Variants in NIBAN2 observed in about 807,000 individuals in gnomAD.
NIBAN2 encodes protein Niban 2.
NIBAN2 carries 36 observed loss-of-function variants against 81.8 expected under a neutral mutation model. That is an observed-to-expected ratio of 0.44 (90% CI 0.34 to 0.58). The LOEUF (loss-of-function observed/expected upper bound fraction) is 0.58. NIBAN2 is among the 20% of genes least tolerant of loss of function. NIBAN2 has a pLI of 0.02. For missense variants in NIBAN2, 897 were observed against 1,014.1 expected, an observed-to-expected ratio of 0.88 and a Z score of 1.57; for synonymous variants, 445 against 441.6, an observed-to-expected ratio of 1.01 and a Z score of -0.10.
intron 1 of NIBAN2, among the ~76,000 whole-genome samples, chr9:127,562,182 C>T (rs1837785869): frequency 1.3e-5 from 2 of 152,098 alleles, no homozygotes; most frequent in South Asian, 2.1e-4. Context: ...TATTCCCACT[C>T]GGCTCCTCCT....
At chr9:127,572,085 A>C (rs1837956538), upstream of NIBAN2, among the ~76,000 whole-genome samples, 1 of 151,824 alleles carries the variant, frequency 6.6e-6, no homozygotes, top group Admixed American at 6.6e-5. Flanking sequence ...CCCAGGCTGG[A>C]GTGCAGTGGT....
At chr9:127,529,380 C>G (rs1036350795) in intron 2 of NIBAN2, among the ~76,000 whole-genome samples, 1 of 152,146 alleles carries the variant, frequency 6.6e-6, no homozygotes, top group Admixed American at 6.5e-5. Flanking sequence ...GGCTCACGCC[C>G]GTAATCCCAG....
intron 1 of NIBAN2, among the ~76,000 whole-genome samples, chr9:127,547,730 A>G (rs1365601451): frequency 6.9e-6 from 1 of 145,280 alleles, no homozygotes; most frequent in East Asian, 2.1e-4. Context: ...CTAGCTACTC[A>G]GGAGGCTGAG....
Position 127,517,115 on chromosome 9 carries a change from GA to G in NIBAN2, c.806del (p.Ile269ThrfsTer82). ...CCAGGGCCCCAGGCCCACCCACCTG[GA>G]TCCACTGCCGCTGCCGCTCCTGCGG... Reference protein sequence around the residue: ...GKPQERQRQWIQISDAVYHMV... With the variant: ...GKPQERQRQWXQISDAVYHMV... On this transcript the variant is annotated frameshift_variant, in exon 7 of 14. Transcript: ENST00000373312. LOFTEE classifies it high-confidence loss of function. This position sits in a 1 kb window ranked among gnomAD's most constrained non-coding sequence, Gnocchi z 4.0. 1 of 1,613,400 alleles carries G rather than the reference GA, an allele frequency of 6.2e-7. No individual in the cohort carries two copies.
chr9:127,553,424 G>A (rs943308990), intron 1 of NIBAN2, among the ~76,000 whole-genome samples: 2 of 152,210 alleles, frequency 1.3e-5, no homozygotes, highest in East Asian at 3.8e-4. Flanking sequence ...TCCCTGGCTG[G>A]GGACTGAACC....
intron 1 of NIBAN2, among the ~76,000 whole-genome samples, chr9:127,575,052 C>T (rs986387796): frequency 6.6e-6 from 1 of 152,164 alleles, no homozygotes; most frequent in Non-Finnish European, 1.5e-5. Flanking sequence ...TGCCATTCCC[C>T]CACTTCTAAC....
At chr9:127,532,713 G>A (rs1336052312) in intron 1 of NIBAN2, among the ~76,000 whole-genome samples, 1 of 151,768 alleles carries the variant, frequency 6.6e-6, no homozygotes, top group Non-Finnish European at 1.5e-5. Flanking sequence ...GTCACCTGTT[G>A]ACTATCAGCT....
chr9:127,527,240 C>T lies in NIBAN2; in HGVS notation c.269G>A (p.Ser90Asn). 1 of 1,614,024 alleles carries T rather than the reference C, an allele frequency of 6.2e-7. No homozygotes were observed. The highest frequency in any genetic ancestry group is 1.3e-5 in the African/African-American group (1 of 75,030). Reference sequence around the variant, plus strand: ...CAGCCCGTAGTTGTGGGGCACGAGGCTGAAGCGGTTTCTCCACTTCTTGCT... The same window carrying T: ...CAGCCCGTAGTTGTGGGGCACGAGGTTGAAGCGGTTTCTCCACTTCTTGCT... The part of the protein sequence containing the change: ...EDSKKWRNRF[S>N]LVPHNYGLVL... Residue 90 changes from serine to asparagine, a missense_variant, in exon 3 of 14, where the codon AGC becomes AAC. Physicochemically the swap from Ser to Asn is conservative, Grantham distance 46. This residue lies in a region of NIBAN2 where 209 missense variants were observed against 208.4 expected (regional missense o/e 1.00). Coordinates refer to ENST00000373312, the MANE Select transcript of NIBAN2 (RefSeq NM_022833.4).
At chr9:127,511,714 C>G (rs1836739300) in intron 8 of NIBAN2, among the ~76,000 whole-genome samples, 1 of 152,002 alleles carries the variant, frequency 6.6e-6, no homozygotes, top group Non-Finnish European at 1.5e-5. Flanking sequence ...TCAAACAAGT[C>G]TATAGGAAAA....
In NIBAN2 at chr9:127,508,480, C is replaced by T. The variant is rs987078182; in HGVS notation, c.1376G>A (p.Gly459Glu). The T allele has an allele frequency of 3.1e-6, 5 of 1,613,856 alleles. No homozygotes were observed. The highest frequency in any genetic ancestry group is 4.2e-6 in the Non-Finnish European group (5 of 1,179,996). Reference protein sequence around the residue: ...ETLLHQELGKGPTKEELCKSI... With the variant: ...ETLLHQELGKEPTKEELCKSI... ...CTTGCACAGCTCCTCCTTGGTGGGCCCCTTCCCCAGCTCCTGGTGCAGGAG... is the reference window on the plus strand; with the variant it reads ...CTTGCACAGCTCCTCCTTGGTGGGCTCCTTCCCCAGCTCCTGGTGCAGGAG... Residue 459 changes from glycine to glutamate, a missense_variant, in exon 11 of 14, where the codon GGG becomes GAG. This residue lies in a region of NIBAN2 where 619 missense variants were observed against 691.0 expected (regional missense o/e 0.90). Coordinates refer to ENST00000373312, the MANE Select transcript of NIBAN2 (RefSeq NM_022833.4). The surrounding 1 kb of genome is among the most constrained non-coding windows in gnomAD (Gnocchi z 6.4).
chr9:127,524,744 G>T, intron 4 of NIBAN2: 1 of 271,670 alleles, frequency 3.7e-6, no homozygotes, highest in Non-Finnish European at 7.1e-6. Flanking sequence ...AGAGGCCAAT[G>T]TTGTTCCCGT....
At chr9:127,510,020 C>A in intron 9 of NIBAN2, 126 bp downstream of exon 9, 1 of 857,286 alleles carries the variant, frequency 1.2e-6, no homozygotes, top group South Asian at 1.9e-5. Context: ...TCCCCAGCAG[C>A]CCCTCCCCGT....
rs1478388998 is a variant in NIBAN2, at chr9:127,545,574, G to A, written c.56-13796C>T. The stretch of plus-strand genomic sequence containing the variant: ...AGGCAGGTCAGGCCCAACAGAGCCA[G>A]GAGTCAGCTGGGGTTTTTCACAAGG... On this transcript the variant is annotated intron_variant, in intron 1 of 13. Coordinates refer to ENST00000373312, the MANE Select transcript of NIBAN2 (RefSeq NM_022833.4). This position sits in a 1 kb window ranked among gnomAD's most constrained non-coding sequence, Gnocchi z 4.7. 6.6e-6 allele frequency among the ~76,000 whole-genome samples: 1 copy of A among 152,174 alleles called. No individual in the cohort carries two copies. Among genetic ancestry groups the A allele is most frequent in the Non-Finnish European group, 1.5e-5 (1 of 68,036 alleles).
intron 1 of NIBAN2, chr9:127,578,770 T>A: frequency 1.5e-6 from 1 of 650,244 alleles, no homozygotes; most frequent in Non-Finnish European, 2.6e-6. Context: ...GAAGTGAGGA[T>A]CCCTTGAGCC....
chr9:127,530,159 C>G (rs1216660759), intron 2 of NIBAN2, among the ~76,000 whole-genome samples: 1 of 152,240 alleles, frequency 6.6e-6, no homozygotes. Context: ...ACGCACCTGC[C>G]AGACACCCAG....
chr9:127,565,782 CA>C (rs34713108), intron 1 of NIBAN2, among the ~76,000 whole-genome samples: 25,272 of 70,628 alleles, frequency 0.36, 2,987 homozygotes, highest in African/African-American at 0.53. Context: ...GACTCTGTCT[CA>C]AAAAAAAAAA....
chr9:127,578,496 C>T (rs1838035858), intron 1 of NIBAN2, among the ~76,000 whole-genome samples: 1 of 151,568 alleles, frequency 6.6e-6, no homozygotes, highest in South Asian at 2.1e-4. Context: ...ACCGTCTCTA[C>T]TAAAAATACA....
Position 127,507,513 on chromosome 9 carries a change from C to A in NIBAN2, c.1655-82G>T, listed in dbSNP as rs534944272. The A allele has an allele frequency of 1.7e-4, 201 of 1,192,368 alleles. 1 individual carries two copies. The African/African-American group carries it at 2.9e-3, about 17-fold the overall frequency. The allele number at this position is 1,192,368 out of a possible 1,614,324, so 73.9% of individuals were successfully genotyped here. On this transcript the variant is annotated intron_variant, in intron 13 of 13. Transcript: ENST00000373312. This position sits in a 1 kb window ranked among gnomAD's most constrained non-coding sequence, Gnocchi z 6.8. ...TGCTGGACTCTGCTCAAAGAAGACC[C>A]GTCTCATCCCGCCTTGGGGGTCTGT... is the stretch of plus-strand genomic sequence containing the variant.
intron 1 of NIBAN2, among the ~76,000 whole-genome samples, chr9:127,565,111 C>A (rs1480926426): frequency 6.6e-6 from 1 of 152,126 alleles, no homozygotes; most frequent in Non-Finnish European, 1.5e-5. Flanking sequence ...CAGGCGCATA[C>A]GACAATGCCC....
Sources: gnomAD v4.1 joint callset for allele counts (sites outside exome capture counted in the v4.1 genomes callset) on GRCh38, gnomAD v4.1.1 for gene constraint, gnomAD v4.1.1 regional missense constraint, Gnocchi (gnomAD v3.1) non-coding constraint, MANE v1.5 for transcripts, NCBI Gene and HGNC (gene_info 2026-07-23, HGNC 2026-07-21) for gene names.